The following ACSF3 variants were observed in gnomAD, a reference collection of about 807,000 sequenced individuals.
ACSF3 encodes the protein malonate--CoA ligase ACSF3, mitochondrial.
ACSF3 carries 78 observed loss-of-function variants against 53.2 expected under a neutral mutation model. The observed-to-expected ratio is 1.47, with a 90% CI of 1.22 to 1.77. ACSF3 has a LOEUF of 1.77. Ranked by LOEUF, ACSF3 falls within the 40% of genes most tolerant of loss-of-function variation. ACSF3 has a pLI of 0.00. For synonymous variants in ACSF3, 414 were observed against 333.1 expected, an observed-to-expected ratio of 1.24 and a Z score of -2.65; for missense variants, 937 against 771.1, an observed-to-expected ratio of 1.22 and a Z score of -2.55.
chr16:89,136,565 G>A (rs530278260), intron 8 of ACSF3: 7 of 1,275,454 alleles, frequency 5.5e-6, no homozygotes, highest in African/African-American at 1.5e-5. Flanking sequence ...CCTGCCACAC[G>A]GATTCTGGCA....
At chr16:89,104,006 G>A (rs1422804237) in intron 4 of ACSF3, among the ~76,000 whole-genome samples, 2 of 152,206 alleles carry the variant, frequency 1.3e-5, no homozygotes, top group East Asian at 3.9e-4. Context: ...TGTCAGTTGG[G>A]GATGGCGGTG....
intron 7 of ACSF3, among the ~76,000 whole-genome samples, chr16:89,126,553 G>C (rs534416190): frequency 8.9e-4 from 136 of 152,358 alleles, no homozygotes; most frequent in South Asian, 1.7e-3. Context: ...ACAGGCATGA[G>C]CCTCTGCACA....
At chr16:89,153,183 T>A (rs12599577) in intron 10 of ACSF3, 58,989 of 152,684 alleles carry the variant, frequency 0.39, 11,612 homozygotes, top group East Asian at 0.41. Context: ...TTCGTTTCTG[T>A]CATGGCTCAG....
intron 5 of ACSF3, 154 bp from the exon 6 acceptor site, chr16:89,114,185 G>A (rs1904614781): frequency 1.0e-6 from 1 of 976,144 alleles, no homozygotes; most frequent in African/African-American, 1.6e-5. Context: ...GTGTCGCACA[G>A]TGGTGCTGTA....
intron 2 of ACSF3, among the ~76,000 whole-genome samples, chr16:89,099,724 G>A (rs1975047829): frequency 6.6e-6 from 1 of 152,066 alleles, no homozygotes. Context: ...GGAGGTTACA[G>A]TGAGCCCAGA....
At chr16:89,134,179 C>G (rs979067682) in intron 8 of ACSF3, among the ~76,000 whole-genome samples, 2 of 152,240 alleles carry the variant, frequency 1.3e-5, no homozygotes, top group Non-Finnish European at 2.9e-5. Flanking sequence ...AAAATGGCGG[C>G]AGGCTGCTTC....
chr16:89,120,741 T>C, intron 6 of ACSF3, 60 bp from the exon 7 acceptor site: 1 of 1,521,822 alleles, frequency 6.6e-7, no homozygotes, highest in Non-Finnish European at 9.1e-7. Context: ...CAGTGTGTGC[T>C]TCTCTCCTCC....
chr16:89,124,063 GGT>G (rs1907346413), intron 7 of ACSF3, among the ~76,000 whole-genome samples: 1 of 3,316 alleles, frequency 3.0e-4, no homozygotes, highest in Non-Finnish European at 1.3e-3. Flanking sequence ...TGCATGAACG[GGT>G]ATCACACACA....
intron 3 of ACSF3, 51 bp downstream of exon 3, chr16:89,101,398 G>A (rs924604910): frequency 3.2e-6 from 5 of 1,549,138 alleles, no homozygotes; most frequent in Non-Finnish European, 4.4e-6. Context: ...CAGCACTCCG[G>A]GTGGGCTCCG....
chr16:89,102,810 C>T, intron 4 of ACSF3, 51 bp downstream of exon 4: 4 of 1,521,158 alleles, frequency 2.6e-6, no homozygotes, highest in Non-Finnish European at 3.5e-6. Flanking sequence ...GGCGCCTTTC[C>T]CCTGTCGGGG....
chr16:89,122,262 C>T (rs1401042497), intron 7 of ACSF3: 1 of 254,172 alleles, frequency 3.9e-6, no homozygotes, highest in Non-Finnish European at 8.4e-6. Flanking sequence ...CTGGCCTGGG[C>T]CCCCCGCAGT....
At chr16:89,152,556 C>T (rs993506325) in intron 10 of ACSF3, 3 of 152,184 alleles carry the variant, frequency 2.0e-5, no homozygotes, top group Admixed American at 2.0e-4. Flanking sequence ...TGCGGCAAGC[C>T]GAGACTGCAC....
intron 3 of ACSF3, chr16:89,102,271 G>A (rs1454510957): frequency 1.8e-5 from 7 of 399,342 alleles, no homozygotes; most frequent in South Asian, 6.5e-5. Context: ...CCTGAATGGC[G>A]CTGGGTCCCT....
intron 5 of ACSF3, 187 bp from the exon 6 acceptor site, chr16:89,114,152 G>T: frequency 1.4e-6 from 1 of 726,608 alleles, no homozygotes; most frequent in Non-Finnish European, 2.4e-6. Flanking sequence ...ACGCCGTAGC[G>T]CAGACTGCAG....
Position 89,120,907 on chromosome 16 carries a change from G to A in ACSF3, c.1233G>A (p.Gly411=), listed in dbSNP as rs777928520. ...TCCACGCAGAGGGAGACGAGAGGGG[G>A]ACCAAGGTAAGCCACTCTGCTCTTG... ...YTIHAEGDER[G]TKVTPGFEEK... is the part of the protein sequence containing the mutation. The change falls in exon 7 of 11, where the codon GGG becomes GGA. Residue 411 remains glycine, a synonymous_variant. Coordinates refer to ENST00000614302, the MANE Select transcript of ACSF3 (RefSeq NM_001243279.3). 1.4e-5 allele frequency: 22 copies of A among 1,613,734 alleles called. No individual in the cohort carries two copies. In the African/African-American group the frequency reaches 2.3e-4, roughly 17 times the overall value.
chr16:89,125,891 C>T (rs1258382837), intron 7 of ACSF3, among the ~76,000 whole-genome samples: 2 of 152,066 alleles, frequency 1.3e-5, no homozygotes, highest in African/African-American at 4.8e-5. Context: ...TGTGTCTCTC[C>T]GTTTACTTAG....
rs183713754 is a variant in ACSF3 at position 89,154,241 on chromosome 16, G to C, written c.*34G>C. ...ACTGGGACTGCGGGTCTGGTGGGGA[G>C]CAGCAGACGTCCCCTTCACACCGAG... On this transcript the variant is annotated 3_prime_UTR_variant, in exon 11 of 11. Coordinates refer to ENST00000614302, the MANE Select transcript of ACSF3 (RefSeq NM_001243279.3). 2.5e-6 allele frequency: 4 copies of C among 1,593,152 alleles called. No homozygotes were observed. In the African/African-American group the frequency reaches 5.4e-5, roughly 21 times the overall value.
At position 89,099,836 on chromosome 16, in the gene ACSF3, AAGAG is replaced by A. The variant is rs1212390277; in HGVS notation, c.-20-816_-20-813del. On this transcript the variant is annotated intron_variant, in intron 2 of 10. Transcript: ENST00000614302. ...GAGACTCCATCCCAGATAGATAATA[AAGAG>A]AGAGAGAGAAAGGAAAAAAAGGTGA... Among the ~76,000 whole-genome samples, 5 of 151,454 alleles carry A rather than the reference AAGAG, an allele frequency of 3.3e-5. 1 individual carries two copies. Among genetic ancestry groups the A allele is most frequent in the Non-Finnish European group, 7.4e-5 (5 of 67,892 alleles).
chr16:89,102,891 C>A, intron 4 of ACSF3, 132 bp downstream of exon 4: 1 of 1,317,466 alleles, frequency 7.6e-7, no homozygotes, highest in Non-Finnish European at 1.1e-6. Context: ...CGGCCGCGCC[C>A]TCAGACTAGG....
Sources: gnomAD v4.1 joint callset for allele counts (sites outside exome capture counted in the v4.1 genomes callset) on GRCh38, gnomAD v4.1.1 for gene constraint, MANE v1.5 for transcripts, NCBI Gene and HGNC (gene_info 2026-07-23, HGNC 2026-07-21) for gene names.